Variants in ZNF107 observed in about 807,000 individuals in gnomAD.
ZNF107 encodes the protein zinc finger protein 107.
A neutral mutation model predicts 12.3 loss-of-function variants in ZNF107; 19 were observed. The ratio of observed to expected loss-of-function variants is 1.55; its 90% confidence interval spans 1.08 to 2.27. The LOEUF is 2.27. ZNF107 is among the 30% of genes most tolerant of loss of function. The pLI, the probability that ZNF107 is intolerant of heterozygous loss-of-function variation, is 0.00. For synonymous variants in ZNF107, 317 were observed against 330.5 expected, an observed-to-expected ratio of 0.96 and a Z score of 0.44; for missense variants, 958 against 979.9, an observed-to-expected ratio of 0.98 and a Z score of 0.30.
chr7:64,711,511 TA>T lies in ZNF107; in HGVS notation c.*2860del, dbSNP rs1169276224. ...CTACAGGGTCATTTTATGGTTATAA[TA>T]AAAATTATATACAAGTATAAATAAA... On this transcript the variant is annotated 3_prime_UTR_variant, in exon 4 of 4. Coordinates refer to ENST00000620827, the MANE Select transcript of ZNF107 (RefSeq NM_001282359.2). The T allele has an allele frequency of 6.6e-6, 1 of 152,192 alleles. No individual in the cohort carries two copies. The highest frequency in any genetic ancestry group is 1.5e-5 in the Non-Finnish European group (1 of 68,034). 9.4% of individuals were successfully genotyped at this position (152,192 alleles called of 1,614,324 possible). A position where few individuals can be genotyped will look rare whatever the true frequency, so the allele number is the denominator to read the frequency against.
At chr7:64,686,335 A>G (rs1584476037) in intron 1 of ZNF107, among the ~76,000 whole-genome samples, 1 of 151,920 alleles carries the variant, frequency 6.6e-6, no homozygotes, top group Non-Finnish European at 1.5e-5. Flanking sequence ...TCCTATTTGG[A>G]CCCTGCCTCT....
At position 64,708,023 on chromosome 7, in the gene ZNF107, T is replaced by A; in HGVS notation, c.1926T>A (p.Ile642=). ...CAAACCTTACTACACAAAAGATAAT[T>A]CATACTGGAGAGAACCTCTACAAAT... ...QSSNLTTQKI[I]HTGENLYKFE... The change falls in exon 4 of 4, where the codon ATT becomes ATA. Residue 642 remains isoleucine (I), a synonymous_variant. Coordinates refer to ENST00000620827, the MANE Select transcript of ZNF107 (RefSeq NM_001282359.2). The A allele has an allele frequency of 6.2e-7, 1 of 1,613,212 alleles. No individual in the cohort carries two copies. Among genetic ancestry groups the A allele is most frequent in the Non-Finnish European group, 8.5e-7 (1 of 1,179,634 alleles).
At chr7:64,694,392 T>G (rs1230585453) in intron 3 of ZNF107, among the ~76,000 whole-genome samples, 1 of 152,230 alleles carries the variant, frequency 6.6e-6, no homozygotes, top group Non-Finnish European at 1.5e-5. Context: ...AGGACCCGCC[T>G]TCTGAAAAGG....
At chr7:64,678,612 T>C (rs182398299) in intron 1 of ZNF107, among the ~76,000 whole-genome samples, 327 of 152,314 alleles carry the variant, frequency 2.1e-3, no homozygotes, top group Middle Eastern at 6.8e-3. Flanking sequence ...AGTGTTTTAA[T>C]TGAATTATGG....
chr7:64,666,141 C>G lies in ZNF107; in HGVS notation c.-142C>G. ...TTCCGGGATTTGGCGGGGCCTTTGT[C>G]TCTGGCTGCAGCCGGAGCTCCTGCT... On this transcript the variant is annotated 5_prime_UTR_variant, in exon 1 of 4. Transcript: ENST00000620827. The G allele has an allele frequency of 8.5e-7, 1 of 1,176,526 alleles. No individual in the cohort carries two copies. The highest frequency in any genetic ancestry group is 1.2e-6 in the Non-Finnish European group (1 of 814,492). The allele number at this position is 1,176,526 out of a possible 1,614,324, so 72.9% of individuals were successfully genotyped here. A position where few individuals can be genotyped will look rare whatever the true frequency, so the allele number is the denominator to read the frequency against.
rs1342790744 is a variant in ZNF107, at chr7:64,708,254, C to T, written c.2157C>T (p.Thr719=). Reference sequence around the variant, plus strand: ...GCAAAGCCTTTAACTGCTCCTCAACCCTTAATAGACATAAGATAATTCATA... The same window carrying T: ...GCAAAGCCTTTAACTGCTCCTCAACTCTTAATAGACATAAGATAATTCATA... ...ECGKAFNCSS[T]LNRHKIIHTG... The change falls in exon 4 of 4, where the codon ACC becomes ACT. Residue 719 remains threonine, a synonymous_variant. Coordinates refer to ENST00000620827, the MANE Select transcript of ZNF107 (RefSeq NM_001282359.2). 1.2e-6 allele frequency: 2 copies of T among 1,613,532 alleles called. No homozygotes were observed. The highest frequency in any genetic ancestry group is 1.7e-6 in the Non-Finnish European group (2 of 1,179,748).
At chr7:64,677,481 T>C (rs1789461672) in intron 1 of ZNF107, among the ~76,000 whole-genome samples, 1 of 151,548 alleles carries the variant, frequency 6.6e-6, no homozygotes, top group African/African-American at 2.4e-5. Context: ...CGGATTTTTT[T>C]TTTTATAACA....
rs527585967 is a variant in ZNF107 at position 64,686,578 on chromosome 7, T to C, written c.4-4670T>C. On this transcript the variant is annotated intron_variant, in intron 1 of 3. Coordinates refer to ENST00000620827, the MANE Select transcript of ZNF107 (RefSeq NM_001282359.2). ...ACAGGAATGTCATATCCCACAAATA[T>C]GGCTGCATTATTGCCAGCAGGCCAT... 1.1e-4 allele frequency: 111 copies of C among 985,408 alleles called. 2 individuals are homozygous for C. In the South Asian group the frequency reaches 1.9e-3, roughly 17 times the overall value. 61.0% of individuals were successfully genotyped at this position (985,408 alleles called of 1,614,324 possible). A position where few individuals can be genotyped will look rare whatever the true frequency, so the allele number is the denominator to read the frequency against.
intron 1 of ZNF107, among the ~76,000 whole-genome samples, chr7:64,675,362 C>A (rs1789379666): frequency 6.6e-6 from 1 of 152,072 alleles, no homozygotes; most frequent in African/African-American, 2.4e-5. Context: ...TTATCCATTT[C>A]TTTTAGATTT....
At chr7:64,699,605 A>G (rs530525479) in intron 3 of ZNF107, among the ~76,000 whole-genome samples, 1 of 152,190 alleles carries the variant, frequency 6.6e-6, no homozygotes, top group East Asian at 1.9e-4. Flanking sequence ...TAATATTTTT[A>G]TTATTTGTAG....
chr7:64,673,999 G>A (rs1789329562), intron 1 of ZNF107, among the ~76,000 whole-genome samples: 1 of 152,098 alleles, frequency 6.6e-6, no homozygotes, highest in South Asian at 2.1e-4. Context: ...TGCTTCTTTG[G>A]TTACTGTAGC....
intron 1 of ZNF107, among the ~76,000 whole-genome samples, chr7:64,669,569 G>A (rs917343723): frequency 2.0e-5 from 3 of 152,056 alleles, no homozygotes; most frequent in Non-Finnish European, 4.4e-5. Context: ...TGAGGCAGGC[G>A]GATCACCTGA....
rs772357789 is a variant in ZNF107, at chr7:64,708,553, G to C, written c.2456G>C (p.Cys819Ser). The change falls in exon 4 of 4, where the codon TGT becomes TCT. Residue 819 changes from cysteine to serine, a missense_variant. Transcript: ENST00000620827. ...IIHTGEKPYKCGDYGRAFNLS... is the reference protein window; with the variant it reads ...IIHTGEKPYKSGDYGRAFNLS... ...CATACTGGAGAGAAACCCTACAAATGTGGAGATTATGGCAGAGCTTTCAAC... is the reference window on the plus strand; with the variant it reads ...CATACTGGAGAGAAACCCTACAAATCTGGAGATTATGGCAGAGCTTTCAAC... 4 of 1,612,798 alleles carry C rather than the reference G, an allele frequency of 2.5e-6. No individual in the cohort carries two copies. In the African/African-American group the frequency reaches 4.0e-5, roughly 16 times the overall value.
chr7:64,689,261 C>G (rs779308401), intron 1 of ZNF107: 2 of 152,016 alleles, frequency 1.3e-5, no homozygotes, highest in Non-Finnish European at 2.9e-5. Flanking sequence ...TCTGGCCTCT[C>G]CCTGGAATTT....
At chr7:64,666,630 G>A (rs1181816872) in intron 1 of ZNF107, among the ~76,000 whole-genome samples, 3 of 152,214 alleles carry the variant, frequency 2.0e-5, no homozygotes, top group African/African-American at 7.2e-5. Context: ...GGGTCATCAG[G>A]GGAGAATCCT....
intron 1 of ZNF107, among the ~76,000 whole-genome samples, chr7:64,688,250 TC>T (rs1268895658): frequency 1.4e-5 from 2 of 140,238 alleles, no homozygotes; most frequent in Non-Finnish European, 3.0e-5. Context: ...TTTTTTCCCT[TC>T]CTCCTCTTTT....
chr7:64,699,317 T>A (rs1790393081), intron 3 of ZNF107, among the ~76,000 whole-genome samples: 1 of 152,210 alleles, frequency 6.6e-6, no homozygotes, highest in Non-Finnish European at 1.5e-5. Context: ...TTTATTTTAA[T>A]ATATTTTTGA....
Position 64,709,004 on chromosome 7 carries a change from C to T in ZNF107, c.*348C>T. The T allele has an allele frequency of 2.2e-6, 1 of 447,274 alleles. No homozygotes were observed. Among genetic ancestry groups the T allele is most frequent in the Non-Finnish European group, 4.3e-6 (1 of 232,734 alleles). The allele number at this position is 447,274 out of a possible 1,614,324, so 27.7% of individuals were successfully genotyped here. On this transcript the variant is annotated 3_prime_UTR_variant, in exon 4 of 4. Transcript: ENST00000620827. The stretch of plus-strand genomic sequence containing the variant: ...GCAATGCCTTTAATCAGTCCTCACA[C>T]CTTTCTACACATAAGATAATTTATA...
At chr7:64,684,966 C>T (rs902625115) in intron 1 of ZNF107, among the ~76,000 whole-genome samples, 2 of 152,154 alleles carry the variant, frequency 1.3e-5, no homozygotes, top group South Asian at 2.1e-4. Context: ...CTACCACTTA[C>T]GTTGCCACTC....
Sources: gnomAD v4.1 joint callset for allele counts (sites outside exome capture counted in the v4.1 genomes callset) on GRCh38, gnomAD v4.1.1 for gene constraint, MANE v1.5 for transcripts, NCBI Gene and HGNC (gene_info 2026-07-23, HGNC 2026-07-21) for gene names.